The following IGF2BP1 variants were observed in gnomAD, a reference collection of about 807,000 sequenced individuals.
The protein encoded by IGF2BP1 is insulin-like growth factor 2 mRNA-binding protein 1.
Under a neutral mutation model 74.9 loss-of-function variants are expected in IGF2BP1, and 11 were observed. The ratio of observed to expected loss-of-function variants is 0.15; its 90% CI spans 0.09 to 0.24. The LOEUF (loss-of-function observed/expected upper bound fraction) is 0.24, where lower values mean the gene tolerates loss of function less well. Among genes scored for constraint, IGF2BP1 ranks in the 10% least tolerant of loss-of-function variants. The pLI is 1.00. For missense variants in IGF2BP1, 440 were observed against 757.4 expected, an observed-to-expected ratio of 0.58 and a Z score of 4.92; for synonymous variants, 287 against 281.8, an observed-to-expected ratio of 1.02 and a Z score of -0.18.
In IGF2BP1 at chr17:49,045,053, G is replaced by C; in HGVS notation, c.1383G>C (p.Glu461Asp). The change falls in exon 12 of 15, where the codon GAG (glutamate) becomes GAC (aspartate). Residue 461 changes from glutamate (E) to aspartate (D), a missense_variant. Transcript: ENST00000290341. ...VRMVIITGPP[E>D]AQFKAQGRIY... ...TGGTTATCATCACTGGACCGCCAGAGGCCCAATTCAAGGTTTTGGTCTTTA... is the reference window on the plus strand; with the variant it reads ...TGGTTATCATCACTGGACCGCCAGACGCCCAATTCAAGGTTTTGGTCTTTA... 1 of 1,614,032 alleles carries C rather than the reference G, an allele frequency of 6.2e-7. No individual in the cohort carries two copies. The highest frequency in any genetic ancestry group is 8.5e-7 in the Non-Finnish European group (1 of 1,179,888).
intron 2 of IGF2BP1, among the ~76,000 whole-genome samples, chr17:49,020,970 TAA>T (rs33965742): frequency 0.032 from 4,203 of 132,486 alleles, 225 homozygotes; most frequent in African/African-American, 0.11. Flanking sequence ...CTCTACAAAT[TAA>T]AAAAAAAAAA....
At chr17:49,021,933 A>G (rs1027527025) in intron 2 of IGF2BP1, among the ~76,000 whole-genome samples, 5 of 151,976 alleles carry the variant, frequency 3.3e-5, no homozygotes, top group Non-Finnish European at 7.4e-5. Flanking sequence ...ATTTTTCACT[A>G]TTTTCCCCAC....
chr17:49,014,806 G>C, intron 2 of IGF2BP1: 1 of 985,392 alleles, frequency 1.0e-6, no homozygotes. Flanking sequence ...AGGAGCACGG[G>C]GATGTCTGCC....
In IGF2BP1 at chr17:49,049,421, C is replaced by G; in HGVS notation, c.1711C>G (p.Gln571Glu). The G allele has an allele frequency of 6.2e-7, 1 of 1,613,064 alleles. No homozygotes were observed. The highest frequency in any genetic ancestry group is 1.1e-5 in the South Asian group (1 of 90,880). Residue 571 changes from glutamine (Q) to glutamate (E), a missense_variant, in exon 15 of 15, where the codon CAG becomes GAG. Gln to Glu is a conservative substitution (Grantham distance 29). Around this residue, in one of 5 missense-constraint regions of IGF2BP1, gnomAD observed 117 missense variants for 237.2 expected, o/e 0.49. Coordinates refer to ENST00000290341, the MANE Select transcript of IGF2BP1 (RefSeq NM_006546.4). ...KQQHQKGQSN[Q>E]AQARRK ...GCAGCATCAGAAGGGACAGAGTAAC[C>G]AGGCCCAGGCACGGAGGAAGTGACC...
Position 49,026,347 on chromosome 17 carries a change from C to CA in IGF2BP1, c.286-116dup, listed in dbSNP as rs1433648778. ...GTCACACTGGACAGGTAATAATGCT[C>CA]AAACACTCCTATGGCTCTGTCAATG... On this transcript the variant is annotated intron_variant, in intron 3 of 14. Coordinates refer to ENST00000290341, the MANE Select transcript of IGF2BP1 (RefSeq NM_006546.4). 3 of 849,494 alleles carry CA rather than the reference C, an allele frequency of 3.5e-6. No individual in the cohort carries two copies. In the Admixed American group the frequency reaches 5.5e-5, roughly 16 times the overall value. 52.6% of individuals were successfully genotyped at this position (849,494 alleles called of 1,614,324 possible). A position where few individuals can be genotyped will look rare whatever the true frequency, so the allele number is the denominator to read the frequency against.
chr17:49,024,083 ATT>A (rs765273098), intron 2 of IGF2BP1, among the ~76,000 whole-genome samples: 8 of 78,096 alleles, frequency 1.0e-4, no homozygotes, highest in East Asian at 7.0e-4. Context: ...CACCCTGCTA[ATT>A]TTTTTTTTTT....
intron 4 of IGF2BP1, 118 bp from the exon 5 acceptor site, chr17:49,031,792 C>T (rs1343658655): frequency 4.2e-5 from 38 of 897,518 alleles, no homozygotes; most frequent in South Asian, 1.0e-4. Flanking sequence ...TGTGATCTAC[C>T]GTGTCTGGCC....
rs1038954834 is a variant in IGF2BP1 at position 49,055,396 on chromosome 17, C to T, written c.*5952C>T. The T allele has an allele frequency of 1.1e-5, 4 of 361,086 alleles. No individual in the cohort carries two copies. The highest frequency in any genetic ancestry group is 8.4e-5 in the African/African-American group (4 of 47,850). The allele number at this position is 361,086 out of a possible 1,614,324, so 22.4% of individuals were successfully genotyped here. A position where few individuals can be genotyped will look rare whatever the true frequency, so the allele number is the denominator to read the frequency against. ...GTGAGTCCTTCCTGTGCTTCTCTCCCTTCTCCCCTCCCAGCCAGCTGACTT... is the reference window on the plus strand; with the variant it reads ...GTGAGTCCTTCCTGTGCTTCTCTCCTTTCTCCCCTCCCAGCCAGCTGACTT... On this transcript the variant is annotated 3_prime_UTR_variant, in exon 15 of 15. Coordinates refer to ENST00000290341, the MANE Select transcript of IGF2BP1 (RefSeq NM_006546.4).
rs765994177 is a variant in IGF2BP1, at chr17:49,026,489, G to A, written c.309G>A (p.Gln103=). ...AGGTACTGGACAGCCTGCTGGCTCA[G>A]TATGGTACAGTAGAGAACTGTGAGC... The part of the protein sequence containing the change: ...RWEVLDSLLA[Q]YGTVENCEQV... Residue 103 remains glutamine (Q), a synonymous_variant, in exon 4 of 15, where the codon CAG becomes CAA. Transcript: ENST00000290341. 1 of 1,614,176 alleles carries A rather than the reference G, an allele frequency of 6.2e-7. No homozygotes were observed. The highest frequency in any genetic ancestry group is 8.5e-7 in the Non-Finnish European group (1 of 1,179,994).
In IGF2BP1 at chr17:49,008,108, G is replaced by T. The variant is rs370685178; in HGVS notation, c.236+8939G>T. 4.0e-5 allele frequency among the ~76,000 whole-genome samples: 6 copies of T among 151,420 alleles called. 1 individual carries two copies. The South Asian group carries it at 6.2e-4, about 16-fold the overall frequency. Reference sequence around the variant, plus strand: ...AATTGCTTGAACCCAGGAGGCAGAGGTTACAGTGAGCAGAGATTGTGCCAT... The same window carrying T: ...AATTGCTTGAACCCAGGAGGCAGAGTTTACAGTGAGCAGAGATTGTGCCAT... On this transcript the variant is annotated intron_variant, in intron 2 of 14. Coordinates refer to ENST00000290341, the MANE Select transcript of IGF2BP1 (RefSeq NM_006546.4).
chr17:49,013,908 A>T (rs1429091153), intron 2 of IGF2BP1: 1 of 152,366 alleles, frequency 6.6e-6, no homozygotes, highest in African/African-American at 2.4e-5. Context: ...GCGGTAGAAC[A>T]TTCGAGACCG....
intron 4 of IGF2BP1, among the ~76,000 whole-genome samples, chr17:49,029,959 ATG>A (rs564013340): frequency 1.3e-5 from 2 of 152,032 alleles, no homozygotes; most frequent in African/African-American, 4.8e-5. Context: ...TGGGATTCTA[ATG>A]TCAGCTTGCC....
chr17:49,013,701 C>CT, intron 2 of IGF2BP1: 1 of 152,580 alleles, frequency 6.6e-6, no homozygotes, highest in Non-Finnish European at 1.5e-5. Context: ...CGCCGGCTGC[C>CT]TGGCTTCGCC....
At chr17:49,044,606 C>G (rs1159843824) in intron 11 of IGF2BP1, among the ~76,000 whole-genome samples, 1 of 152,224 alleles carries the variant, frequency 6.6e-6, no homozygotes, top group East Asian at 1.9e-4. Flanking sequence ...CTTTAGTTGT[C>G]TTAAAAGCTT....
intron 4 of IGF2BP1, among the ~76,000 whole-genome samples, chr17:49,026,890 C>T (rs1441858866): frequency 2.0e-5 from 3 of 152,242 alleles, no homozygotes; most frequent in Admixed American, 6.5e-5. Context: ...ATTATAGGCA[C>T]GTGCCACCAT....
At chr17:49,046,169 A>C (rs902196115) in intron 13 of IGF2BP1, 91 bp from the exon 14 acceptor site, 1 of 1,441,604 alleles carries the variant, frequency 6.9e-7, no homozygotes, top group African/African-American at 1.4e-5. Context: ...TGACTCTTCC[A>C]GGTTCTCCCC....
intron 2 of IGF2BP1, among the ~76,000 whole-genome samples, chr17:49,022,303 C>T (rs1031417512): frequency 6.6e-6 from 1 of 152,174 alleles, no homozygotes; most frequent in African/African-American, 2.4e-5. Flanking sequence ...AGAAATGCCC[C>T]ATGTGCTTTG....
chr17:49,025,214 AAAT>A (rs1278758249), intron 2 of IGF2BP1, among the ~76,000 whole-genome samples: 12 of 152,078 alleles, frequency 7.9e-5, no homozygotes, highest in African/African-American at 2.4e-4. Flanking sequence ...AAAACATAAA[AAAT>A]AATGTCTTAT....
Position 48,997,996 on chromosome 17 carries a change from C to G in IGF2BP1, c.175+76C>G, listed in dbSNP as rs761605464. On this transcript the variant is annotated intron_variant, in intron 1 of 14. Transcript: ENST00000290341. The surrounding 1 kb of genome is among the most constrained non-coding windows in gnomAD (Gnocchi z 4.8). ...CGGAGACCCGCACCTTCCGGTTCCT[C>G]TCCCGCCAACTCCTCTCTTCCCGGG... is the stretch of plus-strand genomic sequence containing the variant. The G allele has an allele frequency of 2.0e-6, 3 of 1,496,730 alleles. No homozygotes were observed. The Admixed American group carries it at 5.6e-5, about 28-fold the overall frequency. The allele number at this position is 1,496,730 out of a possible 1,614,324, so 92.7% of individuals were successfully genotyped here.
Sources: gnomAD v4.1 joint callset for allele counts (sites outside exome capture counted in the v4.1 genomes callset) on GRCh38, gnomAD v4.1.1 for gene constraint, gnomAD v4.1.1 regional missense constraint, Gnocchi (gnomAD v3.1) non-coding constraint, MANE v1.5 for transcripts, NCBI Gene and HGNC (gene_info 2026-07-23, HGNC 2026-07-21) for gene names.